Variants in EZH2 observed in about 807,000 individuals in gnomAD.
EZH2 encodes enhancer of zeste 2 polycomb repressive complex 2 subunit.
Under a neutral mutation model 98.4 loss-of-function variants are expected in EZH2, and 18 were observed. The ratio of observed to expected loss-of-function variants is 0.18; its 90% CI spans 0.13 to 0.27. The LOEUF (loss-of-function observed/expected upper bound fraction) is 0.27. Ranked by LOEUF, EZH2 falls within the 10% of genes least tolerant of loss-of-function variation. The pLI is 1.00. For synonymous variants in EZH2, 338 were observed against 312.3 expected, an observed-to-expected ratio of 1.08 and a Z score of -0.87; for missense variants, 470 against 935.1, an observed-to-expected ratio of 0.50 and a Z score of 6.49.
At chr7:148,880,814 C>A (rs536733988) in intron 1 of EZH2, among the ~76,000 whole-genome samples, 4 of 152,134 alleles carry the variant, frequency 2.6e-5, no homozygotes, top group Admixed American at 6.5e-5. Context: ...CAAATACCAA[C>A]GTAGGTACTA....
chr7:148,817,638 A>G, intron 10 of EZH2: 1 of 667,670 alleles, frequency 1.5e-6, no homozygotes, highest in Non-Finnish European at 2.5e-6. Context: ...AAATGGCACA[A>G]AGAATGAGAA....
chr7:148,837,432 T>C (rs1043490860), intron 3 of EZH2, among the ~76,000 whole-genome samples: 5 of 152,182 alleles, frequency 3.3e-5, no homozygotes, highest in African/African-American at 7.2e-5. Flanking sequence ...AGAGAAAAGC[T>C]GGGGGTGATT....
chr7:148,878,680 C>A (rs571086501), intron 1 of EZH2, among the ~76,000 whole-genome samples: 1 of 151,740 alleles, frequency 6.6e-6, no homozygotes, highest in Admixed American at 6.6e-5. Context: ...AGGTGGATCT[C>A]TTGAGTTCAG....
intron 8 of EZH2, among the ~76,000 whole-genome samples, chr7:148,823,613 A>G (rs1227140687): frequency 6.6e-6 from 1 of 152,130 alleles, no homozygotes; most frequent in Non-Finnish European, 1.5e-5. Context: ...GATGGGGAAC[A>G]GAAAGTCATT....
chr7:148,881,874 T>C (rs1408444035), intron 1 of EZH2, among the ~76,000 whole-genome samples: 1 of 149,856 alleles, frequency 6.7e-6, no homozygotes, highest in African/African-American at 2.5e-5. Flanking sequence ...GCAGAGATTG[T>C]AGTGAGCCCA....
At position 148,866,960 on chromosome 7, in the gene EZH2, C is replaced by T. The variant is rs1040699606; in HGVS notation, c.-8+17204G>A. ...AACTCCTAACCTCAAGTGATCCACC[C>T]GCCTCAGCCTCCCAAAGTGCTGGGA... On this transcript the variant is annotated intron_variant, in intron 1 of 19. Transcript: ENST00000320356. 6.6e-5 allele frequency among the ~76,000 whole-genome samples: 10 copies of T among 150,558 alleles called. No individual in the cohort carries two copies. The East Asian group carries it at 1.2e-3, about 18-fold the overall frequency.
chr7:148,817,148 T>C (rs2129471277), intron 11 of EZH2, 74 bp downstream of exon 11: 1 of 1,401,712 alleles, frequency 7.1e-7, no homozygotes, highest in Non-Finnish European at 9.5e-7. Flanking sequence ...AGAATTTTCT[T>C]TGTTTGGACA....
intron 6 of EZH2, among the ~76,000 whole-genome samples, chr7:148,827,970 T>C (rs2129476059): frequency 6.6e-6 from 1 of 152,242 alleles, no homozygotes; most frequent in East Asian, 1.9e-4. Flanking sequence ...TACAAAAAAT[T>C]AGCTGGGTGT....
intron 9 of EZH2, among the ~76,000 whole-genome samples, chr7:148,818,427 T>C (rs536526987): frequency 6.6e-6 from 1 of 152,306 alleles, no homozygotes; most frequent in South Asian, 2.1e-4. Flanking sequence ...GAAGATAAAG[T>C]ATGAAATATA....
intron 1 of EZH2, among the ~76,000 whole-genome samples, chr7:148,866,568 A>ATATACGTATATACATATG (rs1288183604): frequency 1.4e-5 from 2 of 145,616 alleles, no homozygotes; most frequent in Non-Finnish European, 3.0e-5. Flanking sequence ...ATATACATAT[A>ATATACGTATATACATATG]TATACGTATA....
At chr7:148,840,157 T>C (rs957787916) in intron 3 of EZH2, among the ~76,000 whole-genome samples, 5 of 152,190 alleles carry the variant, frequency 3.3e-5, no homozygotes, top group African/African-American at 1.2e-4. Flanking sequence ...TTTTTAAACA[T>C]GCATATCATC....
intron 1 of EZH2, among the ~76,000 whole-genome samples, chr7:148,862,994 G>GA (rs1817918581): frequency 6.7e-6 from 1 of 149,178 alleles, no homozygotes; most frequent in South Asian, 2.1e-4. Context: ...TGAGACACAA[G>GA]AATCACTTGA....
At chr7:148,879,376 C>T (rs980722675) in intron 1 of EZH2, among the ~76,000 whole-genome samples, 1 of 151,706 alleles carries the variant, frequency 6.6e-6, no homozygotes, top group African/African-American at 2.4e-5. Flanking sequence ...CACAGTGAAA[C>T]CCAGTTTCTA....
Position 148,832,699 on chromosome 7 carries a change from T to C in EZH2, c.298A>G (p.Thr100Ala). Residue 100 changes from threonine (T) to alanine (A), a missense_variant, in exon 4 of 20, where the codon ACT (threonine) becomes GCT (alanine). By Grantham distance (58) the Thr-to-Ala change is moderately conservative. Transcript: ENST00000320356. The part of the protein sequence containing the change: ...DFPTQVIPLK[T>A]LNAVASVPIM... ...GGTACTGAAGCAACTGCATTCAGAG[T>C]CTTTAATGGGATGACTTGTGTTGGA... 1 of 1,610,520 alleles carries C rather than the reference T, an allele frequency of 6.2e-7. No individual in the cohort carries two copies.
At chr7:148,832,228 G>A (rs894460947) in intron 4 of EZH2, among the ~76,000 whole-genome samples, 2 of 152,130 alleles carry the variant, frequency 1.3e-5, no homozygotes, top group Non-Finnish European at 2.9e-5. Flanking sequence ...TGGGACTACA[G>A]ACATGCGCCA....
chr7:148,821,872 A>G (rs1401235568), intron 8 of EZH2, among the ~76,000 whole-genome samples: 1 of 152,224 alleles, frequency 6.6e-6, no homozygotes, highest in African/African-American at 2.4e-5. Context: ...CTCTAAATAA[A>G]TAAATTTATA....
At chr7:148,868,453 C>T (rs879311833) in intron 1 of EZH2, among the ~76,000 whole-genome samples, 1 of 152,070 alleles carries the variant, frequency 6.6e-6, no homozygotes, top group African/African-American at 2.4e-5. Context: ...CCAGATCTCA[C>T]GAGAACTCAC....
At chr7:148,864,700 GGAAAAAA>G (rs1818185524) in intron 1 of EZH2, among the ~76,000 whole-genome samples, 1 of 137,404 alleles carries the variant, frequency 7.3e-6, no homozygotes, top group African/African-American at 2.9e-5. Flanking sequence ...AAAAAAAAAA[GGAAAAAA>G]AGAAAAAAAA....
intron 1 of EZH2, chr7:148,883,308 A>C (rs1465991042): frequency 2.0e-5 from 3 of 152,352 alleles, no homozygotes; most frequent in Non-Finnish European, 4.4e-5. Context: ...GTACACAATG[A>C]AGTGGGAATT....
Sources: allele counts gnomAD v4.1 joint callset (sites outside exome capture counted in the v4.1 genomes callset), GRCh38; gene constraint gnomAD v4.1.1; transcripts MANE v1.5; gene names NCBI Gene and HGNC (gene_info 2026-07-23, HGNC 2026-07-21).